Variants in ANKRD17 observed in about 807,000 individuals in gnomAD.
The protein encoded by ANKRD17 is ankyrin repeat domain 17, also known as ankyrin repeat domain-containing protein 17.
In ANKRD17, 19 loss-of-function variants were observed where a neutral mutation model predicts 229.7. That is an observed-to-expected ratio of 0.08 (90% CI 0.06 to 0.12). The LOEUF (loss-of-function observed/expected upper bound fraction) is 0.12, where lower values mean the gene tolerates loss of function less well. Ranked by LOEUF, ANKRD17 falls within the 10% of genes least tolerant of loss-of-function variation. The probability of loss-of-function intolerance (pLI) is 1.00; values close to 1 mark genes in which losing one functional copy is unlikely to be tolerated. For synonymous variants in ANKRD17, 1,112 were observed against 1,146.1 expected (o/e 0.97, Z 0.60); for missense variants, 2,176 against 3,176.8 (o/e 0.68, Z 7.57).
intron 1 of ANKRD17, among the ~76,000 whole-genome samples, chr4:73,250,602 A>C (rs929433385): frequency 6.7e-6 from 1 of 149,036 alleles, no homozygotes; most frequent in Non-Finnish European, 1.5e-5. Context: ...AAAAAAAAAA[A>C]AAAAAAAAAA....
intron 16 of ANKRD17, among the ~76,000 whole-genome samples, chr4:73,128,115 T>C (rs1252324149): frequency 6.6e-6 from 1 of 152,210 alleles, no homozygotes; most frequent in Non-Finnish European, 1.5e-5. Context: ...TATTTGATCT[T>C]CATTTCAGGT....
chr4:73,101,434 C>T (rs181971391), intron 25 of ANKRD17, among the ~76,000 whole-genome samples: 7 of 151,960 alleles, frequency 4.6e-5, no homozygotes, highest in Non-Finnish European at 7.4e-5. Flanking sequence ...GTGGCTGAGG[C>T]AGGGGGGATC....
intron 10 of ANKRD17, among the ~76,000 whole-genome samples, chr4:73,145,968 A>C (rs1420398071): frequency 6.6e-6 from 1 of 152,130 alleles, no homozygotes; most frequent in East Asian, 1.9e-4. Flanking sequence ...GTTGCTTATT[A>C]ATCTTAGAAT....
rs1046331252 is a variant in ANKRD17, at chr4:73,190,564, C to A, written c.394-13031G>T. Among the ~76,000 whole-genome samples the A allele has an allele frequency of 4.8e-3, 585 of 121,450 alleles. 2 individuals are homozygous for A. The highest frequency in any genetic ancestry group is 9.3e-3 in the Middle Eastern group (2 of 216). 79.7% of individuals were successfully genotyped at this position (121,450 alleles called of 152,430 possible). ...ATGTCCTCCAAAAAAAAAAACAAAA[C>A]AAAAAAAAAACAAAAAAAACCTGTA... On this transcript the variant is annotated intron_variant, in intron 1 of 33. Transcript: ENST00000358602.
At chr4:73,143,327 T>C (rs930567947) in intron 11 of ANKRD17, among the ~76,000 whole-genome samples, 2 of 152,190 alleles carry the variant, frequency 1.3e-5, no homozygotes, top group Non-Finnish European at 2.9e-5. Context: ...GGTCTTGCCA[T>C]GCATGTTACC....
At chr4:73,114,760 C>T (rs893553762) in intron 23 of ANKRD17, among the ~76,000 whole-genome samples, 2 of 152,140 alleles carry the variant, frequency 1.3e-5, no homozygotes, top group African/African-American at 2.4e-5. Flanking sequence ...AGACAGTGAC[C>T]TAGCTAGTTT....
intron 1 of ANKRD17, among the ~76,000 whole-genome samples, chr4:73,229,232 T>G (rs1240536450): frequency 2.0e-5 from 3 of 152,126 alleles, no homozygotes; most frequent in Non-Finnish European, 4.4e-5. Flanking sequence ...TGTATACATA[T>G]GTAACAAACC....
At chr4:73,194,837 TTTTA>T (rs762873135) in intron 1 of ANKRD17, among the ~76,000 whole-genome samples, 27 of 152,278 alleles carry the variant, frequency 1.8e-4, no homozygotes, top group African/African-American at 5.3e-4. Flanking sequence ...TTAGGTCATT[TTTTA>T]TTTCTCTCAT....
At chr4:73,195,127 A>AC (rs1737673694) in intron 1 of ANKRD17, among the ~76,000 whole-genome samples, 1 of 151,888 alleles carries the variant, frequency 6.6e-6, no homozygotes, top group African/African-American at 2.4e-5. Flanking sequence ...TGTGATTATA[A>AC]TTTTTTTTCT....
In ANKRD17 at chr4:73,125,105, C is replaced by T. The variant is rs1727260051; in HGVS notation, c.3347-47G>A. ...CTCACTACATGCTAAGGCAAAAGAA[C>T]AAAATATCTGACCTTCAAAATAGGA... On this transcript the variant is annotated intron_variant, in intron 17 of 33. Transcript: ENST00000358602. 2.5e-6 allele frequency: 4 copies of T among 1,605,942 alleles called. No individual in the cohort carries two copies. In the African/African-American group the frequency reaches 4.0e-5, roughly 16 times the overall value.
intron 1 of ANKRD17, among the ~76,000 whole-genome samples, chr4:73,189,043 C>T (rs144584033): frequency 5.9e-5 from 9 of 152,188 alleles, no homozygotes; most frequent in Admixed American, 1.3e-4. Context: ...CCCTTCAAAA[C>T]GGCACCTAAA....
In ANKRD17 at chr4:73,120,924, C is replaced by T; in HGVS notation, c.3806G>A (p.Ser1269Asn). ...ACFQGRTEVV[S>N]LLLDRKANVE... Reference sequence around the variant, plus strand: ...ATTTGCTTTTCTATCAAGCAGAAGACTAACCACTTCAGTTCTTCCTTGGAA... The same window carrying T: ...ATTTGCTTTTCTATCAAGCAGAAGATTAACCACTTCAGTTCTTCCTTGGAA... Residue 1269 changes from serine (S) to asparagine (N), a missense_variant, in exon 20 of 34, where the codon AGT becomes AAT. Transcript: ENST00000358602. 6.2e-7 allele frequency: 1 copy of T among 1,613,614 alleles called. No homozygotes were observed. The highest frequency in any genetic ancestry group is 8.5e-7 in the Non-Finnish European group (1 of 1,179,840).
intron 1 of ANKRD17, among the ~76,000 whole-genome samples, chr4:73,184,055 T>C (rs1381655586): frequency 1.3e-5 from 2 of 152,186 alleles, no homozygotes; most frequent in Non-Finnish European, 2.9e-5. Context: ...ATTCAAATCC[T>C]TCTACACTCA....
At chr4:73,143,878 C>T (rs1206158284) in intron 11 of ANKRD17, among the ~76,000 whole-genome samples, 11 of 152,078 alleles carry the variant, frequency 7.2e-5, no homozygotes, top group Admixed American at 6.5e-4. Context: ...CTAGCTGGCA[C>T]TACAGGTGCA....
At chr4:73,141,502 G>T (rs1729598852) in intron 14 of ANKRD17, among the ~76,000 whole-genome samples, 2 of 152,078 alleles carry the variant, frequency 1.3e-5, no homozygotes, top group African/African-American at 4.8e-5. Context: ...AGGAAATCAT[G>T]GATAATCAGA....
At chr4:73,251,536 T>G (rs1290916469) in intron 1 of ANKRD17, among the ~76,000 whole-genome samples, 1 of 151,774 alleles carries the variant, frequency 6.6e-6, no homozygotes, top group Non-Finnish European at 1.5e-5. Context: ...TTTTTTTTTT[T>G]GAAAAGATGA....
intron 24 of ANKRD17, among the ~76,000 whole-genome samples, chr4:73,112,334 T>G (rs1725421111): frequency 6.6e-6 from 1 of 152,164 alleles, no homozygotes; most frequent in Non-Finnish European, 1.5e-5. Context: ...ATCAAATATA[T>G]ATTCTATCAC....
chr4:73,172,523 G>A (rs1279508791), intron 2 of ANKRD17, among the ~76,000 whole-genome samples: 1 of 152,210 alleles, frequency 6.6e-6, no homozygotes, highest in Non-Finnish European at 1.5e-5. Context: ...TTATAACACT[G>A]TACCTGTGGT....
intron 25 of ANKRD17, among the ~76,000 whole-genome samples, chr4:73,100,457 TAAA>T (rs1193525895): frequency 8.2e-6 from 1 of 122,100 alleles, no homozygotes; most frequent in African/African-American, 3.0e-5. Context: ...GTTACTTGAA[TAAA>T]AAAAAAAAAC....
Sources: allele counts gnomAD v4.1 joint callset (sites outside exome capture counted in the v4.1 genomes callset), GRCh38; gene constraint gnomAD v4.1.1; transcripts MANE v1.5; gene names NCBI Gene and HGNC (gene_info 2026-07-23, HGNC 2026-07-21).